PFKFB2: variants seen among roughly 807,000 people sequenced by gnomAD.
PFKFB2 encodes the protein 6-phosphofructo-2-kinase/fructose-2,6-biphosphatase 2.
In PFKFB2, 53 loss-of-function variants were observed where a neutral mutation model predicts 68.0. The ratio of observed to expected loss-of-function variants is 0.78; its 90% CI spans 0.63 to 0.98. The LOEUF (loss-of-function observed/expected upper bound fraction) is 0.98, where lower values mean the gene tolerates loss of function less well. Ranked by LOEUF, PFKFB2 falls within the 50% of genes least tolerant of loss-of-function variation. PFKFB2 has a pLI of 0.00. For synonymous variants in PFKFB2, 222 were observed against 227.6 expected, an observed-to-expected ratio of 0.98 and a Z score of 0.22; for missense variants, 451 against 642.0, an observed-to-expected ratio of 0.70 and a Z score of 3.22.
rs567631998 is a variant in PFKFB2, at chr1:207,043,221, C to T, written c.-18+1009C>T. Among the ~76,000 whole-genome samples the T allele has an allele frequency of 5.3e-5, 8 of 152,234 alleles. No homozygotes were observed. In the South Asian group the frequency reaches 1.7e-3, roughly 32 times the overall value. On this transcript the variant is annotated intron_variant, in intron 2 of 5. Coordinates refer to the PFKFB2 transcript ENST00000545806. ...ATAAGCTTCCATCACACAACCCAAC[C>T]GATTCTTTATGAACCTTGTAATGTG...
chr1:207,075,554 A>T lies in PFKFB2; in HGVS notation c.*3183A>T. The T allele has an allele frequency of 1.0e-6, 1 of 985,300 alleles. No individual in the cohort carries two copies. The highest frequency in any genetic ancestry group is 1.2e-6 in the Non-Finnish European group (1 of 829,822). The allele number at this position is 985,300 out of a possible 1,614,324, so 61.0% of individuals were successfully genotyped here. ...TCTATCACAAGTCCTACAAAATAAA[A>T]ATGGACTTAAAAGTACTCTCTGCTG... is the stretch of plus-strand genomic sequence containing the variant. On this transcript the variant is annotated 3_prime_UTR_variant, in exon 15 of 15. Coordinates refer to ENST00000367080, the MANE Select transcript of PFKFB2 (RefSeq NM_006212.2).
chr1:207,049,922 A>C (rs1236141696), upstream of PFKFB2, among the ~76,000 whole-genome samples: 3 of 152,240 alleles, frequency 2.0e-5, no homozygotes, highest in Admixed American at 6.5e-5. Flanking sequence ...AAGAACAAAA[A>C]ACACTTGAGG....
In PFKFB2 at chr1:207,063,291, TGGTGG is replaced by T; in HGVS notation, c.376-52_376-48del. On this transcript the variant is annotated intron_variant, in intron 5 of 14. Transcript: ENST00000367080. The surrounding 1 kb of genome is among the most constrained non-coding windows in gnomAD (Gnocchi z 4.1). Reference sequence around the variant, plus strand: ...ACCCAGCCCCACCTTGAGTCTGCCCTGGTGGGGTTCTGTTTCTCTGTTCCTGCTCA... The same window carrying T: ...ACCCAGCCCCACCTTGAGTCTGCCCTGGTTCTGTTTCTCTGTTCCTGCTCA... The T allele has an allele frequency of 1.3e-6, 2 of 1,571,114 alleles. No individual in the cohort carries two copies. The highest frequency in any genetic ancestry group is 2.2e-5 in the South Asian group (2 of 90,252).
intron 1 of PFKFB2, among the ~76,000 whole-genome samples, chr1:207,037,467 C>A (rs988873408): frequency 7.2e-5 from 11 of 152,200 alleles, no homozygotes; most frequent in African/African-American, 2.2e-4. Flanking sequence ...ATCCACACAG[C>A]TTTTATCTAT....
chr1:207,062,297 T>G (rs1293265245), intron 3 of PFKFB2, among the ~76,000 whole-genome samples: 1 of 152,218 alleles, frequency 6.6e-6, no homozygotes, highest in Non-Finnish European at 1.5e-5. Flanking sequence ...GATAGGACTG[T>G]TAAGATTTAG....
chr1:207,065,553 T>C (rs1450816495), intron 8 of PFKFB2, among the ~76,000 whole-genome samples: 1 of 151,676 alleles, frequency 6.6e-6, no homozygotes, highest in Non-Finnish European at 1.5e-5. Context: ...AGTTTCCCCA[T>C]GTTGGCCAGG....
chr1:207,080,825 A>G (rs1572744631), downstream of PFKFB2: 1 of 152,162 alleles, frequency 6.6e-6, no homozygotes, highest in Non-Finnish European at 1.5e-5. Context: ...CTTCTGTAAA[A>G]GGAAAATAAC....
chr1:207,037,994 A>G (rs2102313608), intron 1 of PFKFB2, among the ~76,000 whole-genome samples: 1 of 152,312 alleles, frequency 6.6e-6, no homozygotes, highest in East Asian at 1.9e-4. Context: ...CATCACTTCC[A>G]TATGTTACTG....
rs922081235 is a variant in PFKFB2, at chr1:207,077,254, T to G, written c.*4883T>G. On this transcript the variant is annotated 3_prime_UTR_variant, in exon 15 of 15. Transcript: ENST00000367080. ...GTTGTATTCCATTGGACAGGGCTGC[T>G]ATTTTTAGTCAGCCATGCATTTGGA... 2 of 984,818 alleles carry G rather than the reference T, an allele frequency of 2.0e-6. No individual in the cohort carries two copies. Among genetic ancestry groups the G allele is most frequent in the Admixed American group, 1.2e-4 (2 of 16,270 alleles). 61.0% of individuals were successfully genotyped at this position (984,818 alleles called of 1,614,324 possible). A position where few individuals can be genotyped will look rare whatever the true frequency, so the allele number is the denominator to read the frequency against.
rs891771421 is a variant in PFKFB2 at position 207,077,009 on chromosome 1, A to G, written c.*4638A>G. The G allele has an allele frequency of 1.0e-5, 10 of 980,212 alleles. No homozygotes were observed. In the African/African-American group the frequency reaches 1.6e-4, roughly 15 times the overall value. The allele number at this position is 980,212 out of a possible 1,614,324, so 60.7% of individuals were successfully genotyped here. ...CTATGATTTTAAATAGATATTTCTT[A>G]TATAGTAGTGGCCAAATTCTCATTA... is the stretch of plus-strand genomic sequence containing the variant. On this transcript the variant is annotated 3_prime_UTR_variant, in exon 15 of 15. Coordinates refer to ENST00000367080, the MANE Select transcript of PFKFB2 (RefSeq NM_006212.2).
At chr1:207,059,302 G>C (rs1683017449) in intron 2 of PFKFB2, among the ~76,000 whole-genome samples, 1 of 152,184 alleles carries the variant, frequency 6.6e-6, no homozygotes, top group East Asian at 1.9e-4. Flanking sequence ...ACCTTCGGGG[G>C]AAGTGCCTAA....
At chr1:207,050,993 T>G (rs1278838510), upstream of PFKFB2, 4 of 1,532,558 alleles carry the variant, frequency 2.6e-6, no homozygotes, top group East Asian at 2.5e-5. Context: ...AGGCGCCGGG[T>G]GGACTCCAAA....
At position 207,071,517 on chromosome 1, in the gene PFKFB2, G is replaced by A. The variant is rs1683465062; in HGVS notation, c.1294G>A (p.Val432Met). Residue 432 changes from valine to methionine, a missense_variant, in exon 14 of 15, where the codon GTG (valine) becomes ATG (methionine). Physicochemically the swap from Val to Met is conservative, Grantham distance 21 (BLOSUM62 1). Coordinates refer to ENST00000367080, the MANE Select transcript of PFKFB2 (RefSeq NM_006212.2). ...KLTPVAYGCK[V>M]ETIKLNVEAV... The stretch of plus-strand genomic sequence containing the variant: ...TTCCTCTGTTTTCTCAGGGTGCAAA[G>A]TGGAAACAATTAAACTTAACGTGGA... 1.2e-6 allele frequency: 2 copies of A among 1,613,458 alleles called. No individual in the cohort carries two copies. The highest frequency in any genetic ancestry group is 2.7e-5 in the African/African-American group (2 of 74,902).
intron 2 of PFKFB2, among the ~76,000 whole-genome samples, chr1:207,059,405 A>G (rs1428841152): frequency 6.6e-6 from 1 of 152,152 alleles, no homozygotes; most frequent in African/African-American, 2.4e-5. Flanking sequence ...CGAGCTGGAG[A>G]AAGTGAAGAC....
In PFKFB2 at chr1:207,075,736, C is replaced by T. The variant is rs974704594; in HGVS notation, c.*3365C>T. 19 of 976,126 alleles carry T rather than the reference C, an allele frequency of 1.9e-5. No individual in the cohort carries two copies. Among genetic ancestry groups the T allele is most frequent in the Non-Finnish European group, 2.3e-5 (19 of 821,620 alleles). 60.5% of individuals were successfully genotyped at this position (976,126 alleles called of 1,614,324 possible). ...ACCAGCCTGGGCAATATAGTGAGAC[C>T]TCACCTCTAAAAAAGTTTTTTATAA... is the stretch of plus-strand genomic sequence containing the variant. On this transcript the variant is annotated 3_prime_UTR_variant, in exon 15 of 15. Coordinates refer to ENST00000367080, the MANE Select transcript of PFKFB2 (RefSeq NM_006212.2).
intron 2 of PFKFB2, chr1:207,043,892 C>T (rs1682530978): frequency 6.6e-6 from 1 of 152,574 alleles, no homozygotes; most frequent in African/African-American, 2.4e-5. Context: ...TCACTTAATA[C>T]AGCATTTAGA....
At position 207,070,586 on chromosome 1, in the gene PFKFB2, T is replaced by A; in HGVS notation, c.1222+177T>A. On this transcript the variant is annotated intron_variant, in intron 12 of 14. Transcript: ENST00000367080. The surrounding 1 kb of genome is among the most constrained non-coding windows in gnomAD (Gnocchi z 4.2). ...AGTCAATGACTTGCTGAGTTCACTC[T>A]GCTGCTACGAAAGCTTCCAATGGAG... The A allele has an allele frequency of 3.2e-6, 2 of 623,700 alleles. No individual in the cohort carries two copies. The highest frequency in any genetic ancestry group is 2.7e-6 in the Non-Finnish European group (1 of 373,002). 38.6% of individuals were successfully genotyped at this position (623,700 alleles called of 1,614,324 possible). A position where few individuals can be genotyped will look rare whatever the true frequency, so the allele number is the denominator to read the frequency against.
At chr1:207,059,422 G>A (rs1683021540) in intron 2 of PFKFB2, among the ~76,000 whole-genome samples, 1 of 152,158 alleles carries the variant, frequency 6.6e-6, no homozygotes, top group Admixed American at 6.6e-5. Flanking sequence ...AGACTCAGGG[G>A]ATTTTACTAC....
intron 1 of PFKFB2, among the ~76,000 whole-genome samples, chr1:207,039,903 C>T (rs1029477628): frequency 3.3e-5 from 5 of 151,772 alleles, no homozygotes; most frequent in Admixed American, 2.6e-4. Flanking sequence ...TTGTCTGTTC[C>T]AAAATGGGTG....
Sources: allele counts gnomAD v4.1 joint callset (sites outside exome capture counted in the v4.1 genomes callset), GRCh38; gene constraint gnomAD v4.1.1; non-coding constraint Gnocchi (gnomAD v3.1); transcripts MANE v1.5; gene names NCBI Gene and HGNC (gene_info 2026-07-23, HGNC 2026-07-21).